Variants in ZNF655 observed in about 807,000 individuals in gnomAD.
ZNF655 encodes Vav-interacting Kruppel-like protein 1.
Under a neutral mutation model 6.6 loss-of-function variants are expected in ZNF655, and 3 were observed. The ratio of observed to expected loss-of-function variants is 0.46; its 90% CI spans 0.21 to 1.18. The LOEUF (loss-of-function observed/expected upper bound fraction) is 1.18. Among genes scored for constraint, ZNF655 ranks in the 50% most tolerant of loss-of-function variants. ZNF655 has a pLI of 0.24. For synonymous variants in ZNF655, 178 were observed against 195.0 expected, an observed-to-expected ratio of 0.91 and a Z score of 0.73; for missense variants, 526 against 572.3, an observed-to-expected ratio of 0.92 and a Z score of 0.83.
intron 2 of ZNF655, chr7:99,571,873 A>AGAATGAAGAGCAC: frequency 1.1e-6 from 1 of 915,824 alleles, no homozygotes; most frequent in Non-Finnish European, 1.7e-6. Flanking sequence ...TTTGGCACTC[A>AGAATGAAGAGCAC]GAATGAAGAG....
At chr7:99,566,925 A>G (rs1166976163) in intron 2 of ZNF655, among the ~76,000 whole-genome samples, 1 of 152,128 alleles carries the variant, frequency 6.6e-6, no homozygotes, top group African/African-American at 2.4e-5. Context: ...TTTAAATAAA[A>G]TAATTTTTTT....
chr7:99,570,020 C>T (rs1032551315), intron 2 of ZNF655, among the ~76,000 whole-genome samples: 5 of 152,124 alleles, frequency 3.3e-5, no homozygotes, highest in Non-Finnish European at 7.4e-5. Context: ...CCTTTGCGTA[C>T]TCATCTGCTG....
At chr7:99,560,330 C>T (rs572289288) in intron 1 of ZNF655, among the ~76,000 whole-genome samples, 123 of 152,050 alleles carry the variant, frequency 8.1e-4, no homozygotes, top group Middle Eastern at 3.4e-3. Flanking sequence ...GTGATCTTCC[C>T]GCCTCAGCCT....
chr7:99,563,057 A>G, intron 2 of ZNF655: 1 of 304,612 alleles, frequency 3.3e-6, no homozygotes, highest in Admixed American at 3.1e-5. Flanking sequence ...CACTGTGAGT[A>G]CATTTCAGTG....
rs144470445 is a variant in ZNF655 at position 99,573,342 on chromosome 7, G to A, written c.1234G>A (p.Glu412Lys). The change falls in exon 3 of 3, where the codon GAA (glutamate) becomes AAA (lysine). Residue 412 changes from glutamate to lysine, a missense_variant. Coordinates refer to ENST00000252713, the MANE Select transcript of ZNF655 (RefSeq NM_138494.3). Reference protein sequence around the residue: ...HTGEKAHECNECGKAFSQTSC... With the variant: ...HTGEKAHECNKCGKAFSQTSC... ...AGGAGAGAAAGCACATGAATGTAATGAATGTGGAAAAGCTTTCAGTCAAAC... is the reference window on the plus strand; with the variant it reads ...AGGAGAGAAAGCACATGAATGTAATAAATGTGGAAAAGCTTTCAGTCAAAC... 1,206 of 1,614,168 alleles carry A rather than the reference G, an allele frequency of 7.5e-4. 14 individuals carry two copies. The South Asian group carries it at 9.5e-3, about 13-fold the overall frequency.
In ZNF655 at chr7:99,564,219, A is replaced by G. The variant is rs916051992; in HGVS notation, c.136+3524A>G. ...TTTGAACCCAGTTCATTCAGAAACC[A>G]TGGTTGGTGGTCATCATCTACTTGT... On this transcript the variant is annotated intron_variant, in intron 2 of 2. Coordinates refer to ENST00000252713, the MANE Select transcript of ZNF655 (RefSeq NM_138494.3). 2.2e-5 allele frequency: 30 copies of G among 1,366,806 alleles called. No individual in the cohort carries two copies. In the African/African-American group the frequency reaches 3.2e-4, roughly 14 times the overall value. The allele number at this position is 1,366,806 out of a possible 1,614,324, so 84.7% of individuals were successfully genotyped here. A position where few individuals can be genotyped will look rare whatever the true frequency, so the allele number is the denominator to read the frequency against.
intron 2 of ZNF655, chr7:99,562,459 T>G (rs1803269663): frequency 6.2e-7 from 1 of 1,614,024 alleles, no homozygotes; most frequent in Non-Finnish European, 8.5e-7. Context: ...TACAGAGAAG[T>G]GATGTTAGAG....
At chr7:99,571,516 C>A in intron 2 of ZNF655, 1 of 1,112,288 alleles carries the variant, frequency 9.0e-7, no homozygotes, top group Non-Finnish European at 1.2e-6. Flanking sequence ...CCCTCTAGAG[C>A]ACAAATCTGA....
chr7:99,562,458 G>T (rs759204342), intron 2 of ZNF655: 30 of 1,613,966 alleles, frequency 1.9e-5, no homozygotes, highest in Non-Finnish European at 2.3e-5. Context: ...CTACAGAGAA[G>T]TGATGTTAGA....
chr7:99,571,147 GGGTAAGAATGTGTCAT>G, intron 2 of ZNF655: 1 of 956,470 alleles, frequency 1.0e-6, no homozygotes, highest in Non-Finnish European at 1.4e-6. Context: ...CACTCCTAAT[GGGTAAGAATGTGTCAT>G]ATTACTCTTT....
chr7:99,567,350 A>G (rs1002786752), intron 2 of ZNF655, among the ~76,000 whole-genome samples: 2 of 151,978 alleles, frequency 1.3e-5, no homozygotes, highest in African/African-American at 4.8e-5. Context: ...CCTGACCAAC[A>G]TGGAGAAACC....
chr7:99,563,732 G>A (rs1456706036), intron 2 of ZNF655: 2 of 929,002 alleles, frequency 2.2e-6, no homozygotes, highest in African/African-American at 3.4e-5. Context: ...CTATGCTGGT[G>A]GCATCCAGGG....
In ZNF655 at chr7:99,573,228, C is replaced by A; in HGVS notation, c.1120C>A (p.His374Asn). Residue 374 changes from histidine (H) to asparagine (N), a missense_variant, in exon 3 of 3, where the codon CAT becomes AAT. By Grantham distance (68) the His-to-Asn change is moderately conservative. Transcript: ENST00000252713. ...GGCCTATATTAAACAACAAGGAATT[C>A]ATTTCAGAGAAAAGCCCTATACGTG... The part of the protein sequence containing the change: ...GLAYIKQQGI[H>N]FREKPYTCSE... The A allele has an allele frequency of 6.2e-7, 1 of 1,614,120 alleles. No homozygotes were observed. The highest frequency in any genetic ancestry group is 1.1e-5 in the South Asian group (1 of 91,074).
chr7:99,574,363 A>G lies in ZNF655; in HGVS notation c.*779A>G, dbSNP rs2151173097. 6.6e-6 allele frequency: 1 copy of G among 152,236 alleles called. No homozygotes were observed. Among genetic ancestry groups the G allele is most frequent in the East Asian group, 1.9e-4 (1 of 5,168 alleles). The allele number at this position is 152,236 out of a possible 1,614,324, so 9.4% of individuals were successfully genotyped here. On this transcript the variant is annotated 3_prime_UTR_variant, in exon 3 of 3. Coordinates refer to ENST00000252713, the MANE Select transcript of ZNF655 (RefSeq NM_138494.3). ...TTCTCATGGAGTTCCTTTATTTAAT[A>G]TGTATTCTAAGTAGGTACGTTTATT...
At chr7:99,562,331 TCTC>T (rs746741465) in intron 2 of ZNF655, 19 of 1,611,912 alleles carry the variant, frequency 1.2e-5, no homozygotes, top group Non-Finnish European at 1.7e-6. Context: ...GCTACAGTGT[TCTC>T]ATTCCTCAGA....
chr7:99,564,961 A>G (rs527875057), intron 2 of ZNF655, among the ~76,000 whole-genome samples: 1 of 152,180 alleles, frequency 6.6e-6, no homozygotes, highest in Admixed American at 6.5e-5. Flanking sequence ...TTGGGAAATC[A>G]TTTTCATATT....
At chr7:99,562,069 T>A in intron 2 of ZNF655, 1 of 1,160,324 alleles carries the variant, frequency 8.6e-7, no homozygotes, top group Non-Finnish European at 1.2e-6. Flanking sequence ...GCCTGGAATT[T>A]TTTTCAATAG....
chr7:99,564,676 T>C (rs562007323), intron 2 of ZNF655: 9 of 984,892 alleles, frequency 9.1e-6, no homozygotes, highest in East Asian at 1.1e-4. Flanking sequence ...GTTAATTTTA[T>C]CTAATAATTA....
rs1323099050 is a variant in ZNF655 at position 99,572,450 on chromosome 7, G to T, written c.342G>T (p.Arg114Ser). 5 of 1,613,666 alleles carry T rather than the reference G, an allele frequency of 3.1e-6. No homozygotes were observed. Among genetic ancestry groups the T allele is most frequent in the Non-Finnish European group, 4.2e-6 (5 of 1,179,918 alleles). Reference protein sequence around the residue: ...RKFLYLEREFRQITISKETFT... With the variant: ...RKFLYLEREFSQITISKETFT... Reference sequence around the variant, plus strand: ...TTCTGTACCTGGAGAGAGAGTTTAGGCAAATAACAATCAGCAAGGAAACCT... The same window carrying T: ...TTCTGTACCTGGAGAGAGAGTTTAGTCAAATAACAATCAGCAAGGAAACCT... The change falls in exon 3 of 3, where the codon AGG becomes AGT. Residue 114 changes from arginine to serine, a missense_variant. Coordinates refer to ENST00000252713, the MANE Select transcript of ZNF655 (RefSeq NM_138494.3).
Sources: allele counts gnomAD v4.1 joint callset (sites outside exome capture counted in the v4.1 genomes callset), GRCh38; gene constraint gnomAD v4.1.1; transcripts MANE v1.5; gene names NCBI Gene and HGNC (gene_info 2026-07-23, HGNC 2026-07-21).